The following ADGRL3 variants were observed in gnomAD, a reference collection of about 807,000 sequenced individuals.
ADGRL3 encodes calcium-independent alpha-latrotoxin receptor 3.
A neutral mutation model predicts 153.5 loss-of-function variants in ADGRL3; 62 were observed. The ratio of observed to expected loss-of-function variants is 0.40; its 90% confidence interval spans 0.33 to 0.50. The LOEUF is 0.50. Ranked by LOEUF, ADGRL3 falls within the 20% of genes least tolerant of loss-of-function variation. ADGRL3 has a pLI of 0.47. For missense variants in ADGRL3, 1,641 were observed against 1,859.4 expected (o/e 0.88, Z 2.16); for synonymous variants, 710 against 672.5 (o/e 1.06, Z -0.86).
In ADGRL3 at chr4:61,333,759, G is replaced by A. The variant is rs114472736; in HGVS notation, c.-239-49365G>A. 5.2e-3 allele frequency among the ~76,000 whole-genome samples: 797 copies of A among 151,882 alleles called. 8 individuals carry two copies. Among genetic ancestry groups the A allele is most frequent in the African/African-American group, 0.018 (757 of 41,408 alleles). ...CTCCAGGCATGTGCCACCATATCCA[G>A]CAATTAATTAATTAATTTATTAATG... On this transcript the variant is annotated intron_variant, in intron 1 of 26. Transcript: ENST00000683033.
At chr4:61,596,301 T>A (rs2098988844) in intron 5 of ADGRL3, among the ~76,000 whole-genome samples, 1 of 152,206 alleles carries the variant, frequency 6.6e-6, no homozygotes, top group East Asian at 1.9e-4. Context: ...TGCCGGCCTT[T>A]TGTAATCAGA....
chr4:61,440,222 T>C (rs1187744592), intron 2 of ADGRL3, among the ~76,000 whole-genome samples: 1 of 152,042 alleles, frequency 6.6e-6, no homozygotes, highest in Non-Finnish European at 1.5e-5. Flanking sequence ...CTAATTTTTG[T>C]ATTTTTAGTA....
intron 8 of ADGRL3, among the ~76,000 whole-genome samples, chr4:61,807,351 T>C (rs2097563410): frequency 6.6e-6 from 1 of 152,026 alleles, no homozygotes; most frequent in Non-Finnish European, 1.5e-5. Flanking sequence ...TTTTTTTAGT[T>C]TTTTTGTAGT....
At chr4:61,888,451 A>G (rs1399202811) in intron 9 of ADGRL3, among the ~76,000 whole-genome samples, 1 of 152,252 alleles carries the variant, frequency 6.6e-6, no homozygotes, top group Non-Finnish European at 1.5e-5. Flanking sequence ...GTGACTGTTC[A>G]GCAAATCTAT....
intron 4 of ADGRL3, among the ~76,000 whole-genome samples, chr4:61,553,721 T>C (rs2098751271): frequency 6.6e-6 from 1 of 152,262 alleles, no homozygotes; most frequent in Admixed American, 6.5e-5. Flanking sequence ...CTGTTCTAAA[T>C]GTCTTGCCCA....
At chr4:61,318,208 A>AAC (rs2095271937) in intron 1 of ADGRL3, among the ~76,000 whole-genome samples, 1 of 130,580 alleles carries the variant, frequency 7.7e-6, no homozygotes, top group Non-Finnish European at 1.7e-5. Flanking sequence ...AAAAAAAAAA[A>AAC]AAAAAACACA....
chr4:61,612,106 G>A (rs1318950989), intron 5 of ADGRL3, among the ~76,000 whole-genome samples: 1 of 152,008 alleles, frequency 6.6e-6, no homozygotes, highest in African/African-American at 2.4e-5. Flanking sequence ...ATTGGAAAAT[G>A]TTCCCATATA....
chr4:61,934,809 G>C (rs769732859), intron 13 of ADGRL3, 31 bp from the exon 14 acceptor site: 1 of 1,580,840 alleles, frequency 6.3e-7, no homozygotes, highest in African/African-American at 1.3e-5. Flanking sequence ...GTTCACTAGA[G>C]ACCTCTGTCA....
At chr4:61,996,962 T>C (rs546936557) in intron 20 of ADGRL3, among the ~76,000 whole-genome samples, 33 of 151,874 alleles carry the variant, frequency 2.2e-4, no homozygotes, top group Admixed American at 5.3e-4. Context: ...CTTATGTACT[T>C]ATAATTTTAA....
intron 6 of ADGRL3, among the ~76,000 whole-genome samples, chr4:61,702,921 A>G (rs1466064298): frequency 6.6e-6 from 1 of 152,128 alleles, no homozygotes; most frequent in Non-Finnish European, 1.5e-5. Flanking sequence ...ATTTGATATA[A>G]TTTGTGACTG....
At chr4:61,615,229 G>A (rs1406444903) in intron 5 of ADGRL3, among the ~76,000 whole-genome samples, 1 of 152,062 alleles carries the variant, frequency 6.6e-6, no homozygotes, top group Non-Finnish European at 1.5e-5. Flanking sequence ...TTCCGAATTT[G>A]TTTATAATAA....
chr4:62,003,160 G>C (rs1453467173), intron 21 of ADGRL3, among the ~76,000 whole-genome samples: 1 of 152,116 alleles, frequency 6.6e-6, no homozygotes, highest in African/African-American at 2.4e-5. Flanking sequence ...GAATCTACCA[G>C]GCTTTGCTTT....
At chr4:62,016,620 C>T (rs1197715340) in intron 21 of ADGRL3, among the ~76,000 whole-genome samples, 8 of 152,106 alleles carry the variant, frequency 5.3e-5, no homozygotes, top group African/African-American at 9.7e-5. Context: ...TCTGGTAGGG[C>T]GAATCCTCCC....
chr4:61,738,688 A>AT (rs1184064817), intron 8 of ADGRL3, among the ~76,000 whole-genome samples: 4 of 152,154 alleles, frequency 2.6e-5, no homozygotes, highest in South Asian at 2.1e-4. Context: ...TAATTGTCAC[A>AT]TTTTTTAAAA....
intron 7 of ADGRL3, among the ~76,000 whole-genome samples, chr4:61,732,347 G>C (rs2096456849): frequency 6.6e-6 from 1 of 152,018 alleles, no homozygotes; most frequent in South Asian, 2.1e-4. Context: ...AATTTCATCA[G>C]AATGGAAACA....
intron 2 of ADGRL3, among the ~76,000 whole-genome samples, chr4:61,439,314 A>C (rs2152458533): frequency 6.6e-6 from 1 of 152,250 alleles, no homozygotes; most frequent in Admixed American, 6.5e-5. Context: ...GAAAGACAAT[A>C]TTTGAGAAGA....
chr4:61,759,831 A>C (rs2096887672), intron 8 of ADGRL3, among the ~76,000 whole-genome samples: 1 of 152,102 alleles, frequency 6.6e-6, no homozygotes, highest in Non-Finnish European at 1.5e-5. Context: ...GATGATGACA[A>C]CATACAGATG....
chr4:61,474,139 A>G (rs556648712), intron 2 of ADGRL3, among the ~76,000 whole-genome samples: 1 of 152,322 alleles, frequency 6.6e-6, no homozygotes, highest in South Asian at 2.1e-4. Flanking sequence ...GCCAGCAGAC[A>G]GAACATTTTA....
chr4:61,818,876 C>G (rs2097718700), intron 9 of ADGRL3, among the ~76,000 whole-genome samples: 2 of 151,778 alleles, frequency 1.3e-5, no homozygotes, highest in African/African-American at 4.8e-5. Flanking sequence ...CTGCAATTTT[C>G]AAAATAAAAA....
Sources: gnomAD v4.1 joint callset for allele counts (sites outside exome capture counted in the v4.1 genomes callset) on GRCh38, gnomAD v4.1.1 for gene constraint, MANE v1.5 for transcripts, NCBI Gene and HGNC (gene_info 2026-07-23, HGNC 2026-07-21) for gene names.